The following RGS12 variants were observed in gnomAD, a reference collection of about 807,000 sequenced individuals.
RGS12 encodes the protein regulator of G-protein signaling 12.
Under a neutral mutation model 120.1 loss-of-function variants are expected in RGS12, and 66 were observed. That is an observed-to-expected ratio of 0.55 (90% CI 0.45 to 0.67). The LOEUF (loss-of-function observed/expected upper bound fraction) is 0.67, where lower values mean the gene tolerates loss of function less well. Among genes scored for constraint, RGS12 ranks in the 30% least tolerant of loss-of-function variants. RGS12 has a pLI of 0.00. For missense variants in RGS12, 1,859 were observed against 1,957.7 expected, an observed-to-expected ratio of 0.95 and a Z score of 0.95; for synonymous variants, 827 against 804.7, an observed-to-expected ratio of 1.03 and a Z score of -0.47.
At position 3,425,603 on chromosome 4, in the gene RGS12, TCCAGTGCAGGGGAGGGGGCTATGGAG is replaced by T. The variant is rs781464784; in HGVS notation, c.3331+46_3331+71del. On this transcript the variant is annotated intron_variant, in intron 14 of 17. Coordinates refer to ENST00000336727, the MANE Select transcript of RGS12 (RefSeq NM_001394154.1). Reference sequence around the variant, plus strand: ...AGCGGATGGGGAGAGGGTGAGTGGGTCCAGTGCAGGGGAGGGGGCTATGGAGCCGGTGCAGGGGAGGGGGTGAGTGG... The same window carrying T: ...AGCGGATGGGGAGAGGGTGAGTGGGTCCGGTGCAGGGGAGGGGGTGAGTGG... The T allele has an allele frequency of 4.6e-3, 5,345 of 1,165,910 alleles. 24 individuals carry two copies. The highest frequency in any genetic ancestry group is 5.4e-3 in the Non-Finnish European group (4,725 of 867,628). The allele number at this position is 1,165,910 out of a possible 1,614,324, so 72.2% of individuals were successfully genotyped here.
At chr4:3,362,345 G>A (rs1342404546) in intron 3 of RGS12, among the ~76,000 whole-genome samples, 1 of 152,166 alleles carries the variant, frequency 6.6e-6, no homozygotes, top group Non-Finnish European at 1.5e-5. Context: ...GAGTGAGAGT[G>A]TGTGCGTGTG....
intron 1 of RGS12, among the ~76,000 whole-genome samples, chr4:3,308,320 C>T (rs527639270): frequency 2.6e-5 from 4 of 152,350 alleles, no homozygotes; most frequent in East Asian, 3.9e-4. Context: ...GTGTCCTCGA[C>T]GCGAGGGATT....
the RGS12 span, among the ~76,000 whole-genome samples, chr4:3,286,855 G>A: frequency 1.3e-5 from 2 of 152,236 alleles, no homozygotes; most frequent in Admixed American, 6.5e-5. Context: ...GCTAGGCACC[G>A]AATGGGAGCC....
At position 3,316,931 on chromosome 4, in the gene RGS12, C is replaced by G. The variant is rs1234547207; in HGVS notation, c.761C>G (p.Ala254Gly). The change falls in exon 2 of 18, where the codon GCC becomes GGC. Residue 254 changes from alanine (A) to glycine (G), a missense_variant. By Grantham distance (60) the Ala-to-Gly change is moderately conservative. This residue lies in a region of RGS12 where 967 missense variants were observed against 994.2 expected (regional missense o/e 0.97). Transcript: ENST00000336727. ...SSNLESDSLQ[A>G]IRGCMRRLRA... Reference sequence around the variant, plus strand: ...AACCTGGAGTCCGACAGCTTGCAAGCCATCCGCGGCTGCATGCGGCGCCTG... The same window carrying G: ...AACCTGGAGTCCGACAGCTTGCAAGGCATCCGCGGCTGCATGCGGCGCCTG... 6.2e-7 allele frequency: 1 copy of G among 1,613,836 alleles called. No homozygotes were observed. The highest frequency in any genetic ancestry group is 1.3e-5 in the African/African-American group (1 of 74,956).
intron 4 of RGS12, among the ~76,000 whole-genome samples, chr4:3,387,370 G>A (rs1577028719): frequency 2.0e-5 from 3 of 152,204 alleles, no homozygotes. Context: ...AAGGGCTGCT[G>A]TCCCCAGGTA....
intron 1 of RGS12, among the ~76,000 whole-genome samples, chr4:3,309,690 A>G (rs1182850402): frequency 4.8e-4 from 46 of 95,256 alleles, no homozygotes; most frequent in African/African-American, 1.2e-3. Context: ...GCTGAGGGGA[A>G]CCGTGCAGGG....
At chr4:3,431,518 G>A (rs563392178) in intron 17 of RGS12, 86 of 986,526 alleles carry the variant, frequency 8.7e-5, no homozygotes, top group Non-Finnish European at 1.0e-4. Context: ...CGTCAGCAGC[G>A]CTCTCTGACC....
chr4:3,387,244 G>A (rs1381921184), intron 4 of RGS12, among the ~76,000 whole-genome samples: 1 of 152,212 alleles, frequency 6.6e-6, no homozygotes, highest in East Asian at 1.9e-4. Context: ...TGCAGAAGCT[G>A]CCCAGGGGCC....
chr4:3,334,511 TA>T (rs1226409177), intron 2 of RGS12, among the ~76,000 whole-genome samples: 1 of 152,200 alleles, frequency 6.6e-6, no homozygotes, highest in African/African-American at 2.4e-5. Flanking sequence ...CGAGTTTTGG[TA>T]TCAAGATTAC....
rs773431605 is a variant in RGS12 at position 3,317,668 on chromosome 4, A to G, written c.1498A>G (p.Lys500Glu). 6 of 1,604,934 alleles carry G rather than the reference A, an allele frequency of 3.7e-6. No individual in the cohort carries two copies. Among genetic ancestry groups the G allele is most frequent in the Non-Finnish European group, 5.1e-6 (6 of 1,174,080 alleles). The change falls in exon 2 of 18, where the codon AAG (lysine) becomes GAG (glutamate). Residue 500 changes from lysine (K) to glutamate (E), a missense_variant. This residue lies in a region of RGS12 where 967 missense variants were observed against 994.2 expected (regional missense o/e 0.97). Coordinates refer to ENST00000336727, the MANE Select transcript of RGS12 (RefSeq NM_001394154.1). ...GACTGACAGGTTCTGGGACCTAAAC[A>G]AGCACCTAGGGCCAGCCTCTCCTGT... is the stretch of plus-strand genomic sequence containing the variant. Reference protein sequence around the residue: ...HQTDRFWDLNKHLGPASPVEV... With the variant: ...HQTDRFWDLNEHLGPASPVEV...
At chr4:3,420,599 C>A in intron 9 of RGS12, 43 bp from the exon 10 acceptor site, 1 of 1,596,976 alleles carries the variant, frequency 6.3e-7, no homozygotes, top group Non-Finnish European at 8.6e-7. Flanking sequence ...ACCGAATAAA[C>A]AGGGTTCTGA....
chr4:3,287,589 G>A, the RGS12 span, among the ~76,000 whole-genome samples: 8 of 152,238 alleles, frequency 5.3e-5, no homozygotes, highest in Non-Finnish European at 7.3e-5. Flanking sequence ...AGGAAGTTCT[G>A]TGTAGGAATA....
Position 3,317,107 on chromosome 4 carries a change from G to T in RGS12, c.937G>T (p.Gly313Trp), listed in dbSNP as rs375578937. The change falls in exon 2 of 18, where the codon GGG (glycine) becomes TGG (tryptophan). Residue 313 changes from glycine (G) to tryptophan (W), a missense_variant. Physicochemically the swap from Gly to Trp is radical, Grantham distance 184. Around this residue, in one of 3 missense-constraint regions of RGS12, gnomAD observed 967 missense variants for 994.2 expected, o/e 0.97. Coordinates refer to ENST00000336727, the MANE Select transcript of RGS12 (RefSeq NM_001394154.1). ...GTGCCCGGACGACCGGCGATTTTTCGGGTTGGTTACCATGCAGACGAATGA... is the reference window on the plus strand; with the variant it reads ...GTGCCCGGACGACCGGCGATTTTTCTGGTTGGTTACCATGCAGACGAATGA... Reference protein sequence around the residue: ...AVCPDDRRFFGLVTMQTNDDG... With the variant: ...AVCPDDRRFFWLVTMQTNDDG... 1 of 1,613,794 alleles carries T rather than the reference G, an allele frequency of 6.2e-7. No homozygotes were observed. Among genetic ancestry groups the T allele is most frequent in the South Asian group, 1.1e-5 (1 of 91,078 alleles).
At chr4:3,425,383 A>G in intron 13 of RGS12, 81 bp from the exon 14 acceptor site, 3 of 1,241,460 alleles carry the variant, frequency 2.4e-6, no homozygotes, top group Non-Finnish European at 2.4e-6. Flanking sequence ...TAGGACAGTC[A>G]TGCAGTCGGG....
At position 3,394,176 on chromosome 4, in the gene RGS12, T is replaced by C. The variant is rs1007812724; in HGVS notation, c.2020+7739T>C. ...TTCAGCACATCTTTTTTTTTTTTCT[T>C]TTTTGAGACAGAGTCTCGCTCTGTC... On this transcript the variant is annotated intron_variant, in intron 4 of 17. Coordinates refer to ENST00000336727, the MANE Select transcript of RGS12 (RefSeq NM_001394154.1). 2.6e-5 allele frequency among the ~76,000 whole-genome samples: 4 copies of C among 152,254 alleles called. 1 individual carries two copies. The East Asian group carries it at 7.7e-4, about 29-fold the overall frequency.
chr4:3,362,885 G>C (rs1387655850), intron 3 of RGS12, among the ~76,000 whole-genome samples: 5 of 151,194 alleles, frequency 3.3e-5, no homozygotes, highest in African/African-American at 4.9e-5. Context: ...GTGTGTGAGA[G>C]CATGTGTGCA....
At chr4:3,330,097 C>T (rs1301727331) in intron 2 of RGS12, among the ~76,000 whole-genome samples, 1 of 152,194 alleles carries the variant, frequency 6.6e-6, no homozygotes, top group African/African-American at 2.4e-5. Flanking sequence ...CATGGGAGGT[C>T]TCTAAGCAAA....
At chr4:3,373,079 T>G (rs1456432809) in intron 3 of RGS12, among the ~76,000 whole-genome samples, 1 of 152,098 alleles carries the variant, frequency 6.6e-6, no homozygotes, top group Non-Finnish European at 1.5e-5. Context: ...AGACAGACGC[T>G]CATGCAGGGC....
In RGS12 at chr4:3,318,023, A is replaced by G. The variant is rs768679141; in HGVS notation, c.1853A>G (p.Asn618Ser). 2.5e-6 allele frequency: 4 copies of G among 1,603,588 alleles called. No individual in the cohort carries two copies. The highest frequency in any genetic ancestry group is 2.6e-6 in the Non-Finnish European group (3 of 1,174,422). Residue 618 changes from asparagine (N) to serine (S), a missense_variant, in exon 2 of 18, where the codon AAT becomes AGT. Transcript: ENST00000336727. ...CAAAGCATTTTTGGTCCCCATCGAA[A>G]TGTTCGAAAGACTAAGGAAGATAAA... Reference protein sequence around the residue: ...GMQSIFGPHRNVRKTKEDKKG... With the variant: ...GMQSIFGPHRSVRKTKEDKKG...
Sources: gnomAD v4.1 joint callset for allele counts (sites outside exome capture counted in the v4.1 genomes callset) on GRCh38, gnomAD v4.1.1 for gene constraint, gnomAD v4.1.1 regional missense constraint, MANE v1.5 for transcripts, NCBI Gene and HGNC (gene_info 2026-07-23, HGNC 2026-07-21) for gene names.